The following DENND1A variants were observed in gnomAD, a reference collection of about 807,000 sequenced individuals.
DENND1A encodes the protein DENN domain-containing protein 1A.
DENND1A carries 51 observed loss-of-function variants against 113.7 expected under a neutral mutation model. That is an observed-to-expected ratio of 0.45 (90% CI 0.36 to 0.57). DENND1A has a LOEUF of 0.57. Among genes scored for constraint, DENND1A ranks in the 20% least tolerant of loss-of-function variants. The pLI is 0.00. For missense variants in DENND1A, 1,258 were observed against 1,395.9 expected, an observed-to-expected ratio of 0.90 and a Z score of 1.57; for synonymous variants, 565 against 570.8, an observed-to-expected ratio of 0.99 and a Z score of 0.14.
At position 123,413,005 on chromosome 9, in the gene DENND1A, G is replaced by A. The variant is rs144802659; in HGVS notation, c.1489-1176C>T. The stretch of plus-strand genomic sequence containing the variant: ...TCGAGACCAGCCTGGCCAACATGGT[G>A]AAACCCCCATCTATACAAAAATACA... On this transcript the variant is annotated intron_variant, in intron 19 of 23. Transcript: ENST00000394215. Among the ~76,000 whole-genome samples, 354 of 152,314 alleles carry A rather than the reference G, an allele frequency of 2.3e-3. 1 individual carries two copies. Among genetic ancestry groups the A allele is most frequent in the African/African-American group, 8.3e-3 (343 of 41,568 alleles).
chr9:123,542,503 G>C (rs550913603), intron 13 of DENND1A, among the ~76,000 whole-genome samples: 8 of 152,250 alleles, frequency 5.3e-5, no homozygotes, highest in African/African-American at 1.9e-4. Flanking sequence ...CTGGTTCTCA[G>C]CCTGCTTGAC....
intron 13 of DENND1A, chr9:123,493,231 T>A (rs953877977): frequency 6.6e-6 from 1 of 152,336 alleles, no homozygotes; most frequent in African/African-American, 2.4e-5. Context: ...TCACACTCCC[T>A]GACATGGTGG....
Position 123,381,955 on chromosome 9 carries a change from G to T in DENND1A, c.2690C>A (p.Pro897Gln). 1 of 1,467,778 alleles carries T rather than the reference G, an allele frequency of 6.8e-7. No individual in the cohort carries two copies. The highest frequency in any genetic ancestry group is 2.4e-5 in the East Asian group (1 of 42,322). The allele number at this position is 1,467,778 out of a possible 1,614,324, so 90.9% of individuals were successfully genotyped here. The change falls in exon 24 of 24, where the codon CCA (proline) becomes CAA (glutamine). Residue 897 changes from proline (P) to glutamine (Q), a missense_variant. By Grantham distance (76) the Pro-to-Gln change is moderately conservative (BLOSUM62 -1). This residue lies in a region of DENND1A where 1,159 missense variants were observed against 1,231.7 expected (regional missense o/e 0.94). Coordinates refer to ENST00000394215, the MANE Select transcript of DENND1A (RefSeq NM_001352964.2). The surrounding 1 kb of genome is among the most constrained non-coding windows in gnomAD (Gnocchi z 4.7). ...GGTGGGTGGGGCTGCTGGCATGGAT[G>T]GGACAAAGGGGTTGAGTGGTGGCTG... ...FPQPPLNPFVPSMPAAPPTLP... is the reference protein window; with the variant it reads ...FPQPPLNPFVQSMPAAPPTLP...
intron 19 of DENND1A, among the ~76,000 whole-genome samples, chr9:123,420,273 T>C (rs1306879174): frequency 6.6e-6 from 1 of 152,052 alleles, no homozygotes; most frequent in Non-Finnish European, 1.5e-5. Flanking sequence ...TGCCGCTCTG[T>C]AGACAGGGAA....
At chr9:123,476,647 A>T (rs1399387839) in intron 13 of DENND1A, among the ~76,000 whole-genome samples, 1 of 152,172 alleles carries the variant, frequency 6.6e-6, no homozygotes, top group African/African-American at 2.4e-5. Context: ...TTTGGGAACG[A>T]GGTGTGGGAG....
At chr9:123,433,301 C>T (rs2046276794) in intron 19 of DENND1A, among the ~76,000 whole-genome samples, 1 of 152,202 alleles carries the variant, frequency 6.6e-6, no homozygotes, top group Admixed American at 6.5e-5. Flanking sequence ...AAAACCTGTG[C>T]TTCATCCACT....
intron 11 of DENND1A, among the ~76,000 whole-genome samples, chr9:123,595,339 G>A (rs1372324699): frequency 6.6e-6 from 1 of 152,086 alleles, no homozygotes; most frequent in Non-Finnish European, 1.5e-5. Flanking sequence ...CCTGGCCATC[G>A]ATCCACTGGG....
At chr9:123,414,028 C>T (rs2044521767) in intron 19 of DENND1A, 5 of 991,196 alleles carry the variant, frequency 5.0e-6, no homozygotes, top group South Asian at 4.6e-5. Context: ...ACTGTCTTCA[C>T]TGCTTGTCAC....
chr9:123,920,439 A>ACAC (rs1856027862), intron 1 of DENND1A, among the ~76,000 whole-genome samples: 1 of 151,956 alleles, frequency 6.6e-6, no homozygotes, highest in South Asian at 2.1e-4. Flanking sequence ...CACACACACA[A>ACAC]AAAAAACACT....
intron 5 of DENND1A, among the ~76,000 whole-genome samples, chr9:123,702,900 T>C (rs933513036): frequency 3.3e-5 from 5 of 152,242 alleles, no homozygotes; most frequent in Non-Finnish European, 5.9e-5. Context: ...TTTATAATAC[T>C]CTAATGCCAT....
chr9:123,700,786 C>G (rs1359752057), intron 5 of DENND1A, among the ~76,000 whole-genome samples: 1 of 152,182 alleles, frequency 6.6e-6, no homozygotes, highest in East Asian at 1.9e-4. Context: ...CAAGCTGACA[C>G]ACAAGATTAA....
At chr9:123,531,552 T>TACA (rs1266925768) in intron 13 of DENND1A, among the ~76,000 whole-genome samples, 207 of 133,856 alleles carry the variant, frequency 1.5e-3, no homozygotes, top group Middle Eastern at 3.7e-3. Flanking sequence ...CCCCTCTCTC[T>TACA]CTACACACAC....
chr9:123,614,652 G>A (rs933042427), intron 10 of DENND1A, among the ~76,000 whole-genome samples: 1 of 152,008 alleles, frequency 6.6e-6, no homozygotes, highest in African/African-American at 2.4e-5. Context: ...ACAAGGGAGA[G>A]GCGGTCCCTC....
At chr9:123,606,750 C>T (rs967473332) in intron 11 of DENND1A, among the ~76,000 whole-genome samples, 2 of 152,248 alleles carry the variant, frequency 1.3e-5, no homozygotes, top group African/African-American at 4.8e-5. Flanking sequence ...ACCTGTGTGG[C>T]ATCCTGTTAG....
chr9:123,854,022 G>C (rs1280081840), intron 2 of DENND1A, among the ~76,000 whole-genome samples: 1 of 152,134 alleles, frequency 6.6e-6, no homozygotes, highest in Non-Finnish European at 1.5e-5. Flanking sequence ...AACACCTTTA[G>C]AAAGTCAATC....
At chr9:123,598,156 C>G (rs1397309383) in intron 11 of DENND1A, among the ~76,000 whole-genome samples, 1 of 152,192 alleles carries the variant, frequency 6.6e-6, no homozygotes, top group Non-Finnish European at 1.5e-5. Flanking sequence ...ACTGCCAAAC[C>G]TTGATGTGCA....
intron 13 of DENND1A, among the ~76,000 whole-genome samples, chr9:123,481,138 T>C (rs1009503529): frequency 6.6e-6 from 1 of 152,224 alleles, no homozygotes; most frequent in Admixed American, 6.5e-5. Flanking sequence ...AGCATGTTCA[T>C]GCAGAGAAGC....
At chr9:123,542,046 A>C (rs909454649) in intron 13 of DENND1A, among the ~76,000 whole-genome samples, 1 of 152,188 alleles carries the variant, frequency 6.6e-6, no homozygotes, top group Non-Finnish European at 1.5e-5. Flanking sequence ...CCAGAAAGAG[A>C]ATACATTAAG....
chr9:123,503,981 C>T (rs995337463), intron 13 of DENND1A, among the ~76,000 whole-genome samples: 1 of 152,158 alleles, frequency 6.6e-6, no homozygotes, highest in Non-Finnish European at 1.5e-5. Context: ...TCAAAGAATA[C>T]CCATTTCTAC....
Sources: gnomAD v4.1 joint callset for allele counts (sites outside exome capture counted in the v4.1 genomes callset) on GRCh38, gnomAD v4.1.1 for gene constraint, gnomAD v4.1.1 regional missense constraint, Gnocchi (gnomAD v3.1) non-coding constraint, MANE v1.5 for transcripts, NCBI Gene and HGNC (gene_info 2026-07-23, HGNC 2026-07-21) for gene names.